DSC2: variants seen among roughly 807,000 people sequenced by gnomAD.
DSC2 encodes desmocollin-2.
Under a neutral mutation model 87.6 loss-of-function variants are expected in DSC2, and 51 were observed. The ratio of observed to expected loss-of-function variants is 0.58; its 90% CI spans 0.46 to 0.74. DSC2 has a LOEUF of 0.74. Among genes scored for constraint, DSC2 ranks in the 30% least tolerant of loss-of-function variants. The probability of loss-of-function intolerance (pLI) is 0.00; values close to 1 mark genes in which losing one functional copy is unlikely to be tolerated. For missense variants in DSC2, 1,066 were observed against 1,089.5 expected, an observed-to-expected ratio of 0.98 and a Z score of 0.30; for synonymous variants, 383 against 393.2, an observed-to-expected ratio of 0.97 and a Z score of 0.31.
At chr18:31,098,520 T>A (rs562392432) in intron 1 of DSC2, among the ~76,000 whole-genome samples, 1 of 152,098 alleles carries the variant, frequency 6.6e-6, no homozygotes, top group Non-Finnish European at 1.5e-5. Flanking sequence ...AGTGGTGCGA[T>A]CTCGGTTCAC....
intron 4 of DSC2, 152 bp downstream of exon 4, chr18:31,090,876 T>C: frequency 8.6e-7 from 1 of 1,161,316 alleles, no homozygotes; most frequent in Non-Finnish European, 1.2e-6. Flanking sequence ...TATAAAGAGA[T>C]ATATTTATAC....
chr18:31,080,016 TA>T, intron 10 of DSC2, 27 bp from the exon 11 acceptor site: 1 of 1,611,148 alleles, frequency 6.2e-7, no homozygotes, highest in Non-Finnish European at 8.5e-7. Context: ...ATTAAAATAA[TA>T]AAATTTATCA....
In DSC2 at chr18:31,059,328, A is replaced by T. The variant is rs1986456570; in HGVS notation, c.*8687T>A. The T allele has an allele frequency of 6.6e-6, 1 of 152,214 alleles. No individual in the cohort carries two copies. Among genetic ancestry groups the T allele is most frequent in the East Asian group, 1.9e-4 (1 of 5,196 alleles). 9.4% of individuals were successfully genotyped at this position (152,214 alleles called of 1,614,324 possible). On this transcript the variant is annotated 3_prime_UTR_variant, in exon 16 of 16. Coordinates refer to ENST00000280904, the MANE Select transcript of DSC2 (RefSeq NM_024422.6). ...ATTAATACCTATTCTTAGTCTAGAT[A>T]GTGCATAACAAATTACTGACGACAA...
At chr18:31,090,894 T>TGGAA (rs1987570632) in intron 4 of DSC2, 134 bp downstream of exon 4, 5 of 1,313,324 alleles carry the variant, frequency 3.8e-6, no homozygotes, top group Non-Finnish European at 5.3e-6. Context: ...TACCCTTATA[T>TGGAA]GGAAACATAT....
In DSC2 at chr18:31,069,183, T is replaced by C. The variant is rs1043684894; in HGVS notation, c.2251-32A>G. 10 of 1,613,570 alleles carry C rather than the reference T, an allele frequency of 6.2e-6. No individual in the cohort carries two copies. In the African/African-American group the frequency reaches 6.7e-5, roughly 11 times the overall value. ...TGAAAACAATTTGCATTAGGGATAA[T>C]ACAGAGAGGAACACAAAATTATGAA... On this transcript the variant is annotated intron_variant, in intron 14 of 15. Coordinates refer to ENST00000280904, the MANE Select transcript of DSC2 (RefSeq NM_024422.6).
chr18:31,065,293 G>C lies in DSC2; in HGVS notation c.*2722C>G, dbSNP rs1009125822. ...AAGATGTCAGCAGTAAAGCAGAGTGGAGACTGAAGCTAAATTGTTCCCAAC... is the reference window on the plus strand; with the variant it reads ...AAGATGTCAGCAGTAAAGCAGAGTGCAGACTGAAGCTAAATTGTTCCCAAC... On this transcript the variant is annotated 3_prime_UTR_variant, in exon 16 of 16. Coordinates refer to ENST00000280904, the MANE Select transcript of DSC2 (RefSeq NM_024422.6). 7 of 152,224 alleles carry C rather than the reference G, an allele frequency of 4.6e-5. No individual in the cohort carries two copies. Among genetic ancestry groups the C allele is most frequent in the Non-Finnish European group, 8.8e-5 (6 of 68,078 alleles). 9.4% of individuals were successfully genotyped at this position (152,224 alleles called of 1,614,324 possible).
At position 31,066,728 on chromosome 18, in the gene DSC2, C is replaced by T. The variant is rs967356482; in HGVS notation, c.*1287G>A. 15 of 151,986 alleles carry T rather than the reference C, an allele frequency of 9.9e-5. No individual in the cohort carries two copies. Among genetic ancestry groups the T allele is most frequent in the African/African-American group, 2.9e-4 (12 of 41,382 alleles). The allele number at this position is 151,986 out of a possible 1,614,324, so 9.4% of individuals were successfully genotyped here. ...CTGTTTTAAAATTTAAATAGTTTGG[C>T]TCATTTCTACATTTGTTAAAATTGT... is the stretch of plus-strand genomic sequence containing the variant. On this transcript the variant is annotated 3_prime_UTR_variant, in exon 16 of 16. Coordinates refer to ENST00000280904, the MANE Select transcript of DSC2 (RefSeq NM_024422.6).
chr18:31,098,463 T>A (rs562478625), intron 1 of DSC2, among the ~76,000 whole-genome samples: 4 of 149,840 alleles, frequency 2.7e-5, no homozygotes, highest in South Asian at 2.1e-4. Context: ...AATTAGACAC[T>A]TTTTTTTTTC....
At chr18:31,070,948 T>C (rs563005744) in intron 13 of DSC2, 98 bp from the exon 14 acceptor site, 2 of 1,439,406 alleles carry the variant, frequency 1.4e-6, no homozygotes, top group Non-Finnish European at 1.9e-6. Flanking sequence ...AACTTAAAAG[T>C]GTATATTAAA....
Position 31,079,918 on chromosome 18 carries a change from C to A in DSC2, c.1592G>T (p.Arg531Ile). ...GGTCTCTGCCTCTCTATCCAGGCTT[C>A]TGAAAACTTTGATTGATCCTGTATT... Reference protein sequence around the residue: ...DENTGSIKVFRSLDREAETIK... With the variant: ...DENTGSIKVFISLDREAETIK... The change falls in exon 11 of 16, where the codon AGA becomes ATA. Residue 531 changes from arginine (R) to isoleucine (I), a missense_variant. Arg to Ile is a moderately conservative substitution (Grantham distance 97). Coordinates refer to ENST00000280904, the MANE Select transcript of DSC2 (RefSeq NM_024422.6). 1 of 1,614,004 alleles carries A rather than the reference C, an allele frequency of 6.2e-7. No individual in the cohort carries two copies. Among genetic ancestry groups the A allele is most frequent in the Non-Finnish European group, 8.5e-7 (1 of 1,179,956 alleles).
At chr18:31,087,318 C>A (rs1987431759) in intron 6 of DSC2, among the ~76,000 whole-genome samples, 1 of 152,154 alleles carries the variant, frequency 6.6e-6, no homozygotes, top group African/African-American at 2.4e-5. Flanking sequence ...AAGACTTATT[C>A]TTTTTGGGCT....
chr18:31,064,413 A>G lies in DSC2; in HGVS notation c.*3602T>C, dbSNP rs1405842964. On this transcript the variant is annotated 3_prime_UTR_variant, in exon 16 of 16. Transcript: ENST00000280904. ...CACTGGGAAGGCATCAAATGACTAC[A>G]GTACAAACAAAGTATTTAATGAATG... The G allele has an allele frequency of 1.3e-5, 2 of 152,214 alleles. No individual in the cohort carries two copies. The highest frequency in any genetic ancestry group is 1.5e-5 in the Non-Finnish European group (1 of 68,034). 9.4% of individuals were successfully genotyped at this position (152,214 alleles called of 1,614,324 possible).
chr18:31,099,164 T>C (rs1056188776), intron 1 of DSC2, among the ~76,000 whole-genome samples: 3 of 152,198 alleles, frequency 2.0e-5, no homozygotes, highest in Non-Finnish European at 4.4e-5. Context: ...ATTAATTTAG[T>C]ATATGTTGGC....
In DSC2 at chr18:31,093,643, T is replaced by C. The variant is rs1228372400; in HGVS notation, c.70A>G (p.Ile24Val). The C allele has an allele frequency of 1.9e-6, 3 of 1,571,986 alleles. No homozygotes were observed. Among genetic ancestry groups the C allele is most frequent in the Admixed American group, 1.7e-5 (1 of 58,882 alleles). Reference protein sequence around the residue: ...LCRLLLLTLAILIFASDACKN... With the variant: ...LCRLLLLTLAVLIFASDACKN... ...CAGGCATCACTGGCAAATATTAAGATCTAAAAAATGAAAAAAAATCAAATA... is the reference window on the plus strand; with the variant it reads ...CAGGCATCACTGGCAAATATTAAGACCTAAAAAATGAAAAAAAATCAAATA... The change falls in exon 2 of 16, where the codon ATC (isoleucine) becomes GTC (valine). Residue 24 changes from isoleucine (I) to valine (V), a missense_variant and splice_region_variant. By Grantham distance (29) the Ile-to-Val change is conservative (BLOSUM62 3). Coordinates refer to ENST00000280904, the MANE Select transcript of DSC2 (RefSeq NM_024422.6).
rs1987178309 is a variant in DSC2, at chr18:31,080,362, C to A, written c.1264-10G>T. ...CTTCATAATTCAAAGGCTACGAAAG[C>A]AAATGTATTGAAAAATCAGATGAAC... is the stretch of plus-strand genomic sequence containing the variant. On this transcript the variant is annotated splice_polypyrimidine_tract_variant and intron_variant, in intron 9 of 15. Transcript: ENST00000280904. The A allele has an allele frequency of 6.2e-7, 1 of 1,613,054 alleles. No homozygotes were observed. Among genetic ancestry groups the A allele is most frequent in the East Asian group, 2.2e-5 (1 of 44,836 alleles).
rs778236763 is a variant in DSC2, at chr18:31,071,736, T to C, written c.1994A>G (p.Asp665Gly). 6 of 1,613,936 alleles carry C rather than the reference T, an allele frequency of 3.7e-6. No individual in the cohort carries two copies. The highest frequency in any genetic ancestry group is 4.5e-5 in the East Asian group (2 of 44,796). Residue 665 changes from aspartate (D) to glycine (G), a missense_variant, in exon 13 of 16, where the codon GAT (aspartate) becomes GGT (glycine). Asp to Gly is a moderately conservative substitution (Grantham distance 94, BLOSUM62 -1). Transcript: ENST00000280904. Reference sequence around the variant, plus strand: ...GGTAATGCAGTCACACAGTGTAACATCCAATGAAGTGACACTAGACATGCC... The same window carrying C: ...GGTAATGCAGTCACACAGTGTAACACCCAATGAAGTGACACTAGACATGCC... Reference protein sequence around the residue: ...RLGMSSVTSLDVTLCDCITEN... With the variant: ...RLGMSSVTSLGVTLCDCITEN...
chr18:31,068,460 A>G (rs1986706426), intron 15 of DSC2: 1 of 1,098,276 alleles, frequency 9.1e-7, no homozygotes, highest in African/African-American at 1.6e-5. Context: ...TTCATTTTAC[A>G]TAGTCACTAC....
intron 12 of DSC2, among the ~76,000 whole-genome samples, chr18:31,074,284 G>A (rs913269686): frequency 6.6e-6 from 1 of 152,080 alleles, no homozygotes; most frequent in Non-Finnish European, 1.5e-5. Flanking sequence ...GCTTTCTGGA[G>A]AGCCAACCAG....
intron 4 of DSC2, among the ~76,000 whole-genome samples, 185 bp from the exon 5 acceptor site, chr18:31,089,779 G>A (rs993287693): frequency 7.2e-5 from 11 of 152,122 alleles, no homozygotes; most frequent in African/African-American, 2.7e-4. Flanking sequence ...AGCAAGGCAT[G>A]AGTAAAATAA....
Sources: gnomAD v4.1 joint callset for allele counts (sites outside exome capture counted in the v4.1 genomes callset) on GRCh38, gnomAD v4.1.1 for gene constraint, MANE v1.5 for transcripts, NCBI Gene and HGNC (gene_info 2026-07-23, HGNC 2026-07-21) for gene names.